TFCP2L1: variants seen among roughly 807,000 people sequenced by gnomAD.
TFCP2L1 encodes transcription factor CP2 like 1, also known as transcription factor CP2-like protein 1.
In TFCP2L1, 12 loss-of-function variants were observed where a neutral mutation model predicts 72.2. The ratio of observed to expected loss-of-function variants is 0.17; its 90% confidence interval spans 0.11 to 0.27. TFCP2L1 has a LOEUF of 0.27. Ranked by LOEUF, TFCP2L1 falls within the 10% of genes least tolerant of loss-of-function variation. The pLI is 1.00. For missense variants in TFCP2L1, 488 were observed against 624.6 expected, an observed-to-expected ratio of 0.78 and a Z score of 2.33; for synonymous variants, 260 against 251.0, an observed-to-expected ratio of 1.04 and a Z score of -0.34.
chr2:121,235,281 TCATCTCGGGA>T lies in TFCP2L1; in HGVS notation c.1024_1033del (p.Ser342IlefsTer23). ...TGCGGGACCACAGATCTGGACCAAA[TCATCTCGGGA>T]CATCTTCAGCAAGTCAGCACCTAGG... On this transcript the variant is annotated frameshift_variant, in exon 11 of 15. Transcript: ENST00000263707. LOFTEE classifies it high-confidence loss of function. The T allele has an allele frequency of 6.2e-7, 1 of 1,613,710 alleles. No individual in the cohort carries two copies. The highest frequency in any genetic ancestry group is 8.5e-7 in the Non-Finnish European group (1 of 1,179,982).
intron 2 of TFCP2L1, among the ~76,000 whole-genome samples, chr2:121,272,888 A>G (rs1364750823): frequency 6.6e-6 from 1 of 152,196 alleles, no homozygotes; most frequent in East Asian, 1.9e-4. Context: ...CAGATGGTTT[A>G]GCCTCAGCAA....
rs994747853 is a variant in TFCP2L1, at chr2:121,219,633, A to AT, written c.*4707dup. The stretch of plus-strand genomic sequence containing the variant: ...CCTGCCTGTTGTGCAATTTTCAAAG[A>AT]TTTTTTATTTTCAAAAAGACAGAGA... On this transcript the variant is annotated 3_prime_UTR_variant, in exon 15 of 15. Coordinates refer to ENST00000263707, the MANE Select transcript of TFCP2L1 (RefSeq NM_014553.3). The AT allele has an allele frequency of 1.3e-5, 2 of 152,124 alleles. No individual in the cohort carries two copies. Among genetic ancestry groups the AT allele is most frequent in the African/African-American group, 4.8e-5 (2 of 41,422 alleles). 9.4% of individuals were successfully genotyped at this position (152,124 alleles called of 1,614,324 possible). A position where few individuals can be genotyped will look rare whatever the true frequency, so the allele number is the denominator to read the frequency against.
chr2:121,269,918 A>AAAAAAAAAAAAAAAAAATATATATAT, intron 2 of TFCP2L1, among the ~76,000 whole-genome samples: 3 of 115,176 alleles, frequency 2.6e-5, no homozygotes, highest in African/African-American at 3.7e-5. Context: ...AAAAAAAAAA[A>AAAAAAAAAAAAAAAAAATATATATAT]ATATATATAT....
intron 1 of TFCP2L1, 72 bp from the exon 2 acceptor site, chr2:121,281,343 A>G (rs1421895363): frequency 3.3e-6 from 5 of 1,504,852 alleles, no homozygotes; most frequent in Non-Finnish European, 4.4e-6. Context: ...GGGCGAAGCT[A>G]GAGAGACGAC....
intron 2 of TFCP2L1, among the ~76,000 whole-genome samples, chr2:121,271,619 C>G (rs1687049455): frequency 6.6e-6 from 1 of 152,162 alleles, no homozygotes. Flanking sequence ...TCCTTAAATT[C>G]AAAGTCACTG....
At chr2:121,225,062 A>G (rs1685998802) in intron 14 of TFCP2L1, among the ~76,000 whole-genome samples, 1 of 151,756 alleles carries the variant, frequency 6.6e-6, no homozygotes, top group African/African-American at 2.4e-5. Context: ...TCCAGGGTCT[A>G]TGAGTCGGTC....
intron 14 of TFCP2L1, among the ~76,000 whole-genome samples, 185 bp from the exon 15 acceptor site, chr2:121,224,572 T>C (rs1332706966): frequency 6.6e-6 from 1 of 152,208 alleles, no homozygotes; most frequent in Admixed American, 6.5e-5. Context: ...GTTTAGTGTC[T>C]TTTTAACAAT....
intron 13 of TFCP2L1, among the ~76,000 whole-genome samples, chr2:121,230,121 C>T (rs557929581): frequency 1.2e-3 from 187 of 152,214 alleles, no homozygotes; most frequent in African/African-American, 4.3e-3. Flanking sequence ...TGGGGGCACA[C>T]GATCCCATCC....
intron 2 of TFCP2L1, among the ~76,000 whole-genome samples, chr2:121,269,729 C>G (rs111320969): frequency 0.026 from 3,946 of 151,846 alleles, 85 homozygotes; most frequent in South Asian, 0.067. Context: ...GCCAACAGGG[C>G]AAAACCCTGA....
intron 6 of TFCP2L1, among the ~76,000 whole-genome samples, chr2:121,243,529 T>C (rs558414885): frequency 6.6e-6 from 1 of 152,294 alleles, no homozygotes; most frequent in Non-Finnish European, 1.5e-5. Flanking sequence ...CATCTTACTG[T>C]GAAGTAAATA....
In TFCP2L1 at chr2:121,235,245, C is replaced by T. The variant is rs1420664235; in HGVS notation, c.1070G>A (p.Arg357Gln). Residue 357 changes from arginine to glutamine, a missense_variant, in exon 11 of 15, where the codon CGG becomes CAG. Coordinates refer to ENST00000263707, the MANE Select transcript of TFCP2L1 (RefSeq NM_014553.3). ...CCGGCCTTTGATGGCGTTGAAGAGC[C>T]GGATCCCATCTGCGGGACCACAGAT... ...VQICGPADGI[R>Q]LFNAIKGRNV... is the part of the protein sequence containing the mutation. 4 of 1,614,006 alleles carry T rather than the reference C, an allele frequency of 2.5e-6. No individual in the cohort carries two copies. The highest frequency in any genetic ancestry group is 1.3e-5 in the African/African-American group (1 of 74,894).
At chr2:121,262,458 C>T (rs1011469708) in intron 2 of TFCP2L1, among the ~76,000 whole-genome samples, 4 of 151,906 alleles carry the variant, frequency 2.6e-5, no homozygotes, top group South Asian at 2.1e-4. Flanking sequence ...AGTGAGACTC[C>T]GTCTCAAAAA....
At position 121,285,200 on chromosome 2, in the gene TFCP2L1, C is replaced by G; in HGVS notation, c.-91G>C. 1 of 1,143,836 alleles carries G rather than the reference C, an allele frequency of 8.7e-7. No individual in the cohort carries two copies. Among genetic ancestry groups the G allele is most frequent in the Non-Finnish European group, 1.1e-6 (1 of 889,208 alleles). 70.9% of individuals were successfully genotyped at this position (1,143,836 alleles called of 1,614,324 possible). A position where few individuals can be genotyped will look rare whatever the true frequency, so the allele number is the denominator to read the frequency against. On this transcript the variant is annotated 5_prime_UTR_variant, in exon 1 of 15. Transcript: ENST00000263707. Reference sequence around the variant, plus strand: ...CCCAGCGGCGGCTTCGCGCTCCGAACCCGCGGTGCCGGCCGGCTCGGCGCA... The same window carrying G: ...CCCAGCGGCGGCTTCGCGCTCCGAAGCCGCGGTGCCGGCCGGCTCGGCGCA...
At chr2:121,267,668 T>G (rs540322753) in intron 2 of TFCP2L1, among the ~76,000 whole-genome samples, 3 of 152,212 alleles carry the variant, frequency 2.0e-5, no homozygotes, top group African/African-American at 7.2e-5. Context: ...TAATTTTTTA[T>G]ATTTTTAGTA....
chr2:121,229,078 A>G (rs113312544), intron 13 of TFCP2L1, among the ~76,000 whole-genome samples: 3,005 of 152,030 alleles, frequency 0.02, 117 homozygotes, highest in African/African-American at 0.067. Context: ...CACCATGCCC[A>G]ACTAATTTTT....
intron 13 of TFCP2L1, among the ~76,000 whole-genome samples, chr2:121,226,006 C>T (rs1686024921): frequency 7.2e-6 from 1 of 138,610 alleles, no homozygotes; most frequent in Non-Finnish European, 1.6e-5. Flanking sequence ...ACACGGTAAA[C>T]ACCACTGCCA....
intron 13 of TFCP2L1, among the ~76,000 whole-genome samples, chr2:121,229,842 C>T (rs1157365410): frequency 1.3e-5 from 2 of 152,216 alleles, no homozygotes; most frequent in Non-Finnish European, 2.9e-5. Context: ...GTGGGGACAC[C>T]AGTCCAATTC....
chr2:121,223,617 T>A lies in TFCP2L1; in HGVS notation c.*724A>T, dbSNP rs1049543450. ...TCCCCACAAAGGGCCTCAGAACTAA[T>A]GTCTCTGAGAAAGGCCGTGCACATA... On this transcript the variant is annotated 3_prime_UTR_variant, in exon 15 of 15. Transcript: ENST00000263707. 1 of 152,792 alleles carries A rather than the reference T, an allele frequency of 6.5e-6. No homozygotes were observed. The allele number at this position is 152,792 out of a possible 1,614,324, so 9.5% of individuals were successfully genotyped here.
chr2:121,240,718 G>A, intron 7 of TFCP2L1: 2 of 985,386 alleles, frequency 2.0e-6, no homozygotes, highest in Non-Finnish European at 2.4e-6. Flanking sequence ...ATCAGGAGGT[G>A]GGGAACACTC....
Sources: gnomAD v4.1 joint callset for allele counts (sites outside exome capture counted in the v4.1 genomes callset) on GRCh38, gnomAD v4.1.1 for gene constraint, MANE v1.5 for transcripts, NCBI Gene and HGNC (gene_info 2026-07-23, HGNC 2026-07-21) for gene names.